SLC14A2: variants seen among roughly 807,000 people sequenced by gnomAD.
SLC14A2 encodes the protein solute carrier family 14 member 2.
A neutral mutation model predicts 104.6 loss-of-function variants in SLC14A2; 91 were observed. That is an observed-to-expected ratio of 0.87 (90% CI 0.73 to 1.04). SLC14A2 has a LOEUF of 1.04. SLC14A2 is among the 50% of genes least tolerant of loss of function. The pLI is 0.00. For missense variants in SLC14A2, 1,189 were observed against 1,156.0 expected (o/e 1.03, Z -0.41); for synonymous variants, 476 against 466.4 (o/e 1.02, Z -0.27).
intron 2 of SLC14A2, among the ~76,000 whole-genome samples, chr18:45,532,088 G>A (rs1485232279): frequency 6.6e-6 from 1 of 152,192 alleles, no homozygotes; most frequent in Non-Finnish European, 1.5e-5. Context: ...GTACCATGCT[G>A]TTTTTGTTAC....
intron 1 of SLC14A2, among the ~76,000 whole-genome samples, chr18:45,302,270 C>G (rs2084975932): frequency 6.6e-6 from 1 of 152,160 alleles, no homozygotes; most frequent in Non-Finnish European, 1.5e-5. Flanking sequence ...ATGATAATGT[C>G]TCTGGCTGCT....
At chr18:45,610,712 C>T (rs1005987600), upstream of SLC14A2, among the ~76,000 whole-genome samples, 9 of 152,138 alleles carry the variant, frequency 5.9e-5, no homozygotes, top group African/African-American at 1.4e-4. Flanking sequence ...TCTGTAATTC[C>T]AACACCCCAT....
At chr18:45,613,840 G>C (rs549377748), upstream of SLC14A2, among the ~76,000 whole-genome samples, 1 of 152,242 alleles carries the variant, frequency 6.6e-6, no homozygotes, top group African/African-American at 2.4e-5. Flanking sequence ...GTTTAAAAGA[G>C]AAGTAGAGCA....
intron 18 of SLC14A2, among the ~76,000 whole-genome samples, chr18:45,674,804 C>A (rs567318954): frequency 6.6e-6 from 1 of 152,172 alleles, no homozygotes; most frequent in Non-Finnish European, 1.5e-5. Context: ...AAGGGAGACA[C>A]GTGGGATGCA....
intron 1 of SLC14A2, among the ~76,000 whole-genome samples, chr18:45,449,128 C>T (rs944032507): frequency 1.4e-4 from 21 of 152,202 alleles, no homozygotes; most frequent in African/African-American, 4.6e-4. Context: ...AAAGCCCATT[C>T]CAGGCAGGCC....
intron 2 of SLC14A2, among the ~76,000 whole-genome samples, chr18:45,585,162 G>C (rs943298315): frequency 7.2e-5 from 11 of 151,828 alleles, no homozygotes; most frequent in African/African-American, 2.7e-4. Context: ...CCTCCTTCCT[G>C]GGCTTCAGAC....
intron 2 of SLC14A2, chr18:45,492,058 C>T (rs2043011817): frequency 6.6e-6 from 1 of 152,276 alleles, no homozygotes; most frequent in African/African-American, 2.4e-5. Flanking sequence ...TCTGCCATTC[C>T]TAGTCACAGG....
upstream of SLC14A2, among the ~76,000 whole-genome samples, chr18:45,211,910 C>T (rs1167647547): frequency 6.6e-6 from 1 of 152,160 alleles, no homozygotes; most frequent in Non-Finnish European, 1.5e-5. Flanking sequence ...ATAAATGGAA[C>T]TTGTATTGTT....
At chr18:45,330,299 C>T (rs573263926) in intron 1 of SLC14A2, among the ~76,000 whole-genome samples, 1 of 152,294 alleles carries the variant, frequency 6.6e-6, no homozygotes, top group South Asian at 2.1e-4. Context: ...CAATTGTACC[C>T]CTAAGCCTGT....
intron 2 of SLC14A2, among the ~76,000 whole-genome samples, chr18:45,523,294 C>A (rs1480220314): frequency 6.6e-6 from 1 of 151,932 alleles, no homozygotes; most frequent in East Asian, 1.9e-4. Flanking sequence ...AGGGCAGGAG[C>A]AATCTATACT....
chr18:45,593,248 C>G (rs1212002418), intron 2 of SLC14A2, among the ~76,000 whole-genome samples: 1 of 151,194 alleles, frequency 6.6e-6, no homozygotes, highest in Admixed American at 6.6e-5. Context: ...ACCCGGGAGG[C>G]GGAGCTTGCA....
Position 45,678,976 on chromosome 18 carries a change from AC to A in SLC14A2, c.2515del (p.Leu839CysfsTer36). On this transcript the variant is annotated frameshift_variant and splice_region_variant, in exon 19 of 20. Coordinates refer to ENST00000255226, the MANE Select transcript of SLC14A2 (RefSeq NM_007163.4). LOFTEE classifies it high-confidence loss of function. ...TTTCTTTTTTTTTTTTTTTTCTAGC[AC>A]TGTTTGCTGCCTACCTGGGTGCTGC... Reference protein sequence around the residue: ...QTHLLAIACALFAAYLGAALA... With the variant: ...QTHLLAIACAXFAAYLGAALA... 2.0e-6 allele frequency: 3 copies of A among 1,532,488 alleles called. No homozygotes were observed. Among genetic ancestry groups the A allele is most frequent in the Non-Finnish European group, 2.6e-6 (3 of 1,147,160 alleles). 94.9% of individuals were successfully genotyped at this position (1,532,488 alleles called of 1,614,324 possible).
At chr18:45,570,812 C>G (rs574832147) in intron 2 of SLC14A2, among the ~76,000 whole-genome samples, 82 of 152,342 alleles carry the variant, frequency 5.4e-4, no homozygotes, top group Non-Finnish European at 9.8e-4. Context: ...TTTCTACTTT[C>G]AACAAACTCA....
At chr18:45,179,213 T>C in the SLC14A2 span, among the ~76,000 whole-genome samples, 5 of 152,206 alleles carry the variant, frequency 3.3e-5, no homozygotes, top group Non-Finnish European at 5.9e-5. Context: ...CTATGGATCC[T>C]GTATCATAGC....
intron 1 of SLC14A2, among the ~76,000 whole-genome samples, chr18:45,350,842 A>G (rs2085496389): frequency 6.6e-6 from 1 of 152,138 alleles, no homozygotes; most frequent in Admixed American, 6.5e-5. Flanking sequence ...CAATAGCAAT[A>G]TTTTTACTGT....
chr18:45,171,970 T>C, the SLC14A2 span, among the ~76,000 whole-genome samples: 1 of 152,168 alleles, frequency 6.6e-6, no homozygotes, highest in Non-Finnish European at 1.5e-5. Flanking sequence ...AGGCAGTTTT[T>C]CTCCTGAGTT....
chr18:45,511,789 G>A (rs780241383), intron 2 of SLC14A2, among the ~76,000 whole-genome samples: 1 of 152,080 alleles, frequency 6.6e-6, no homozygotes. Context: ...TCCCTGGAAG[G>A]GTCCTTATAA....
chr18:45,232,251 A>G (rs2084182142), intron 1 of SLC14A2, among the ~76,000 whole-genome samples: 1 of 152,178 alleles, frequency 6.6e-6, no homozygotes, highest in African/African-American at 2.4e-5. Flanking sequence ...TGGAAGGTAA[A>G]GGGGAAGCAA....
At chr18:45,239,873 G>A (rs527281236) in intron 1 of SLC14A2, among the ~76,000 whole-genome samples, 1 of 152,120 alleles carries the variant, frequency 6.6e-6, no homozygotes, top group Non-Finnish European at 1.5e-5. Flanking sequence ...ATGAATCCTT[G>A]TAACAATTCA....
Sources: gnomAD v4.1 joint callset for allele counts (sites outside exome capture counted in the v4.1 genomes callset) on GRCh38, gnomAD v4.1.1 for gene constraint, MANE v1.5 for transcripts, NCBI Gene and HGNC (gene_info 2026-07-23, HGNC 2026-07-21) for gene names.